The following TLR4 variants were observed in gnomAD, a reference collection of about 807,000 sequenced individuals.
TLR4 encodes toll-like receptor 4.
In TLR4, 17 loss-of-function variants were observed where a neutral mutation model predicts 27.4. The ratio of observed to expected loss-of-function variants is 0.62; its 90% CI spans 0.42 to 0.93. TLR4 has a LOEUF of 0.93. Ranked by LOEUF, TLR4 falls within the 40% of genes least tolerant of loss-of-function variation. The pLI, the probability that TLR4 is intolerant of heterozygous loss-of-function variation, is 0.00. For missense variants in TLR4, 926 were observed against 962.3 expected (o/e 0.96, Z 0.50); for synonymous variants, 363 against 365.7 (o/e 0.99, Z 0.08).
chr9:117,713,720 ACTT>A lies in TLR4; in HGVS notation c.1596_1598del (p.Phe533del), dbSNP rs1250160671. 9 of 1,613,848 alleles carry A rather than the reference ACTT, an allele frequency of 5.6e-6. No individual in the cohort carries two copies. Among genetic ancestry groups the A allele is most frequent in the East Asian group, 2.2e-5 (1 of 44,870 alleles). On this transcript the variant is annotated inframe_deletion, in exon 3 of 3. Coordinates refer to ENST00000355622, the MANE Select transcript of TLR4 (RefSeq NM_138554.5). ...CAGGTACTAAATATGAGCCACAACA[ACTT>A]CTTTTCATTGGATACGTTTCCTTAT...
chr9:117,720,658 T>C lies in TLR4; in HGVS notation c.*6010T>C, dbSNP rs1370506794. ...ATTGTGTTGTATGCTCCTAGGAAAC[T>C]ATCTCACTATGTAATTAAATCAAAA... is the stretch of plus-strand genomic sequence containing the variant. On this transcript the variant is annotated 3_prime_UTR_variant, in exon 3 of 3. Coordinates refer to ENST00000355622, the MANE Select transcript of TLR4 (RefSeq NM_138554.5). 1 of 152,240 alleles carries C rather than the reference T, an allele frequency of 6.6e-6. No individual in the cohort carries two copies. Among genetic ancestry groups the C allele is most frequent in the Non-Finnish European group, 1.5e-5 (1 of 68,048 alleles). The allele number at this position is 152,240 out of a possible 1,614,324, so 9.4% of individuals were successfully genotyped here. A position where few individuals can be genotyped will look rare whatever the true frequency, so the allele number is the denominator to read the frequency against.
chr9:117,709,656 A>G (rs1319873344), intron 2 of TLR4, among the ~76,000 whole-genome samples: 1 of 152,300 alleles, frequency 6.6e-6, no homozygotes, highest in South Asian at 2.1e-4. Flanking sequence ...AACATTTTAC[A>G]TATTTTTTAT....
Position 117,712,637 on chromosome 9 carries a change from A to G in TLR4, c.509A>G (p.Tyr170Cys). Residue 170 changes from tyrosine to cysteine, a missense_variant, in exon 3 of 3, where the codon TAT becomes TGT. By Grantham distance (194) the Tyr-to-Cys change is radical. Coordinates refer to ENST00000355622, the MANE Select transcript of TLR4 (RefSeq NM_138554.5). ...ATCCAATCTTTCAAATTACCTGAGT[A>G]TTTTTCTAATCTGACCAATCTAGAG... Reference protein sequence around the residue: ...NLIQSFKLPEYFSNLTNLEHL... With the variant: ...NLIQSFKLPECFSNLTNLEHL... 6.2e-7 allele frequency: 1 copy of G among 1,614,028 alleles called. No individual in the cohort carries two copies. The highest frequency in any genetic ancestry group is 8.5e-7 in the Non-Finnish European group (1 of 1,179,980).
intron 1 of TLR4, 97 bp from the exon 2 acceptor site, chr9:117,708,466 C>A (rs1002011198): frequency 6.2e-7 from 1 of 1,600,812 alleles, no homozygotes; most frequent in African/African-American, 1.3e-5. Context: ...TTTGTGCTTG[C>A]ACAAAAAGAG....
chr9:117,712,918 A>G lies in TLR4; in HGVS notation c.790A>G (p.Arg264Gly). 6.2e-7 allele frequency: 1 copy of G among 1,614,148 alleles called. No individual in the cohort carries two copies. ...EVHRLVLGEF[R>G]NEGNLEKFDK... is the part of the protein sequence containing the mutation. ...CCATCGTTTGGTTCTGGGAGAATTT[A>G]GAAATGAAGGAAACTTGGAAAAGTT... Residue 264 changes from arginine (R) to glycine (G), a missense_variant, in exon 3 of 3, where the codon AGA becomes GGA. Coordinates refer to ENST00000355622, the MANE Select transcript of TLR4 (RefSeq NM_138554.5).
At chr9:117,707,212 T>C (rs1829149176) in intron 1 of TLR4, among the ~76,000 whole-genome samples, 1 of 152,146 alleles carries the variant, frequency 6.6e-6, no homozygotes, top group South Asian at 2.1e-4. Flanking sequence ...GACAATATTG[T>C]CTTTGAGGCT....
intron 1 of TLR4, among the ~76,000 whole-genome samples, chr9:117,705,614 TC>T (rs1296544381): frequency 6.6e-6 from 1 of 152,194 alleles, no homozygotes; most frequent in Non-Finnish European, 1.5e-5. Context: ...AGCCTGTCCA[TC>T]CCTGCCCATC....
rs1829332918 is a variant in TLR4, at chr9:117,715,650, A to C, written c.*1002A>C. 1 of 152,140 alleles carries C rather than the reference A, an allele frequency of 6.6e-6. No homozygotes were observed. Among genetic ancestry groups the C allele is most frequent in the Non-Finnish European group, 1.5e-5 (1 of 68,026 alleles). The allele number at this position is 152,140 out of a possible 1,614,324, so 9.4% of individuals were successfully genotyped here. On this transcript the variant is annotated 3_prime_UTR_variant, in exon 3 of 3. Transcript: ENST00000355622. ...TGATAAACCCGGGGTGACCTCATGA[A>C]ATGAGTTGCAGCAGAAGTTTATTTT...
intron 1 of TLR4, chr9:117,708,133 C>A: frequency 1.1e-6 from 1 of 932,754 alleles, no homozygotes; most frequent in Non-Finnish European, 1.3e-6. Flanking sequence ...CTACATTTTA[C>A]ATATGATAAA....
rs1475817548 is a variant in TLR4 at position 117,724,146 on chromosome 9, C to G, written c.*9498C>G. 3 of 152,324 alleles carry G rather than the reference C, an allele frequency of 2.0e-5. No homozygotes were observed. Among genetic ancestry groups the G allele is most frequent in the Non-Finnish European group, 4.4e-5 (3 of 68,146 alleles). The allele number at this position is 152,324 out of a possible 1,614,324, so 9.4% of individuals were successfully genotyped here. A position where few individuals can be genotyped will look rare whatever the true frequency, so the allele number is the denominator to read the frequency against. ...AACAGTGTCCTTAGTGCCAGCACTC[C>G]CAGGCATGCCCCTTTCCAAGCAGCA... is the stretch of plus-strand genomic sequence containing the variant. On this transcript the variant is annotated 3_prime_UTR_variant, in exon 3 of 3. Coordinates refer to ENST00000355622, the MANE Select transcript of TLR4 (RefSeq NM_138554.5).
chr9:117,709,230 C>T (rs975961462), intron 2 of TLR4, among the ~76,000 whole-genome samples: 4 of 151,732 alleles, frequency 2.6e-5, no homozygotes, highest in East Asian at 1.9e-4. Context: ...ATAAAGATAG[C>T]GACATATAAC....
At position 117,714,913 on chromosome 9, in the gene TLR4, C is replaced by T. The variant is rs201958791; in HGVS notation, c.*265C>T. The T allele has an allele frequency of 7.7e-6, 4 of 516,136 alleles. No individual in the cohort carries two copies. The highest frequency in any genetic ancestry group is 1.4e-5 in the Non-Finnish European group (4 of 285,830). The allele number at this position is 516,136 out of a possible 1,614,324, so 32.0% of individuals were successfully genotyped here. ...CATGACAAAGAAAGTCATTTCAACT[C>T]TTACCTCATCAAGTTGAATAAAGAC... On this transcript the variant is annotated 3_prime_UTR_variant, in exon 3 of 3. Coordinates refer to ENST00000355622, the MANE Select transcript of TLR4 (RefSeq NM_138554.5).
Position 117,722,297 on chromosome 9 carries a change from C to T in TLR4, c.*7649C>T, listed in dbSNP as rs1829431695. ...ACTTGCTGGGCCACTGCCAATCTTC[C>T]CAGAAACTCCTTTTTCCTTATCGTT... On this transcript the variant is annotated 3_prime_UTR_variant, in exon 3 of 3. Coordinates refer to ENST00000355622, the MANE Select transcript of TLR4 (RefSeq NM_138554.5). 6.6e-6 allele frequency: 1 copy of T among 152,140 alleles called. No individual in the cohort carries two copies. The highest frequency in any genetic ancestry group is 6.5e-5 in the Admixed American group (1 of 15,268). The allele number at this position is 152,140 out of a possible 1,614,324, so 9.4% of individuals were successfully genotyped here. A position where few individuals can be genotyped will look rare whatever the true frequency, so the allele number is the denominator to read the frequency against.
At position 117,712,503 on chromosome 9, in the gene TLR4, A is replaced by C; in HGVS notation, c.375A>C (p.Leu125=). ...QSLALGAFSG[L]SSLQKLVAVE... is the part of the protein sequence containing the mutation. ...TAGCCCTGGGAGCCTTTTCTGGACT[A>C]TCAAGTTTACAGAAGCTGGTGGCTG... Residue 125 remains leucine (L), a synonymous_variant, in exon 3 of 3, where the codon CTA becomes CTC. Transcript: ENST00000355622. 1 of 1,613,992 alleles carries C rather than the reference A, an allele frequency of 6.2e-7. No individual in the cohort carries two copies.
Position 117,713,890 on chromosome 9 carries a change from CAG to C in TLR4, c.1765_1766del (p.Ser589PhefsTer16). The C allele has an allele frequency of 1.2e-6, 2 of 1,613,986 alleles. No homozygotes were observed. The highest frequency in any genetic ancestry group is 1.7e-6 in the Non-Finnish European group (2 of 1,180,000). On this transcript the variant is annotated frameshift_variant, in exon 3 of 3. Transcript: ENST00000355622. LOFTEE classifies it high-confidence loss of function. ...TGACTTTGCTTGTACTTGTGAACAC[CAG>C]AGTTTCCTGCAATGGATCAAGGACC... Reference protein sequence around the residue: ...QNDFACTCEHQSFLQWIKDQR... With the variant: ...QNDFACTCEHXSFLQWIKDQR...
At chr9:117,708,414 A>G (rs1279304188) in intron 1 of TLR4, 149 bp from the exon 2 acceptor site, 2 of 1,526,930 alleles carry the variant, frequency 1.3e-6, no homozygotes, top group Non-Finnish European at 1.8e-6. Flanking sequence ...GGATGGATAT[A>G]TGGATGGAAG....
rs1228626596 is a variant in TLR4, at chr9:117,718,519, G to A, written c.*3871G>A. ...AATAAAAAGAGGAGAGAAAGACACC[G>A]AGAATGAGCGTTAATACAGTGCTTT... is the stretch of plus-strand genomic sequence containing the variant. On this transcript the variant is annotated 3_prime_UTR_variant, in exon 3 of 3. Transcript: ENST00000355622. 1 of 151,920 alleles carries A rather than the reference G, an allele frequency of 6.6e-6. No individual in the cohort carries two copies. The highest frequency in any genetic ancestry group is 1.5e-5 in the Non-Finnish European group (1 of 67,976). The allele number at this position is 151,920 out of a possible 1,614,324, so 9.4% of individuals were successfully genotyped here. A position where few individuals can be genotyped will look rare whatever the true frequency, so the allele number is the denominator to read the frequency against.
Position 117,713,721 on chromosome 9 carries a change from C to G in TLR4, c.1593C>G (p.Asn531Lys). ...AGGTACTAAATATGAGCCACAACAA[C>G]TTCTTTTCATTGGATACGTTTCCTT... ...SLQVLNMSHN[N>K]FFSLDTFPYK... Residue 531 changes from asparagine to lysine, a missense_variant, in exon 3 of 3, where the codon AAC (asparagine) becomes AAG (lysine). Coordinates refer to ENST00000355622, the MANE Select transcript of TLR4 (RefSeq NM_138554.5). 2 of 1,614,012 alleles carry G rather than the reference C, an allele frequency of 1.2e-6. No individual in the cohort carries two copies. The highest frequency in any genetic ancestry group is 1.7e-6 in the Non-Finnish European group (2 of 1,180,002).
At chr9:117,705,459 C>T (rs944470661) in intron 1 of TLR4, among the ~76,000 whole-genome samples, 1 of 152,184 alleles carries the variant, frequency 6.6e-6, no homozygotes, top group African/African-American at 2.4e-5. Flanking sequence ...ATTCCCTGCC[C>T]ATAGTCCTCC....
Sources: gnomAD v4.1 joint callset for allele counts (sites outside exome capture counted in the v4.1 genomes callset) on GRCh38, gnomAD v4.1.1 for gene constraint, MANE v1.5 for transcripts, NCBI Gene and HGNC (gene_info 2026-07-23, HGNC 2026-07-21) for gene names.